Variants in OSBPL10 observed in about 807,000 individuals in gnomAD.
OSBPL10 encodes the protein oxysterol-binding protein-related protein 10.
Under a neutral mutation model 81.7 loss-of-function variants are expected in OSBPL10, and 49 were observed. The observed-to-expected ratio is 0.60, with a 90% confidence interval of 0.48 to 0.76. OSBPL10 has a LOEUF of 0.76. Among genes scored for constraint, OSBPL10 ranks in the 30% least tolerant of loss-of-function variants. OSBPL10 has a pLI of 0.00. For synonymous variants in OSBPL10, 419 were observed against 383.6 expected (o/e 1.09, Z -1.08); for missense variants, 923 against 987.8 (o/e 0.93, Z 0.88).
chr3:31,869,388 T>C (rs1012974995), intron 3 of OSBPL10, among the ~76,000 whole-genome samples: 3 of 152,216 alleles, frequency 2.0e-5, no homozygotes, highest in African/African-American at 7.2e-5. Flanking sequence ...ATTCAAAGTT[T>C]ACGGGAACCC....
At chr3:31,675,966 GA>G (rs1377471320) in intron 8 of OSBPL10, among the ~76,000 whole-genome samples, 1 of 138,712 alleles carries the variant, frequency 7.2e-6, no homozygotes, top group Non-Finnish European at 1.5e-5. Context: ...AAAAAAAAAA[GA>G]GGAAACTACA....
At chr3:31,999,785 T>C (rs1435094946) in intron 2 of OSBPL10, among the ~76,000 whole-genome samples, 1 of 152,106 alleles carries the variant, frequency 6.6e-6, no homozygotes, top group Non-Finnish European at 1.5e-5. Flanking sequence ...CACAGCCCGG[T>C]GAAATGAGAC....
intron 4 of OSBPL10, among the ~76,000 whole-genome samples, chr3:31,817,969 GT>G (rs1699886120): frequency 6.6e-6 from 1 of 152,196 alleles, no homozygotes; most frequent in Non-Finnish European, 1.5e-5. Flanking sequence ...GCTGGGCATG[GT>G]GATCACATGC....
At chr3:31,846,352 G>A (rs1319707143) in intron 3 of OSBPL10, among the ~76,000 whole-genome samples, 3 of 152,118 alleles carry the variant, frequency 2.0e-5, no homozygotes, top group Non-Finnish European at 2.9e-5. Flanking sequence ...GGCCGGGCGA[G>A]GTGACTCATG....
chr3:31,688,420 G>A (rs1375233571), intron 7 of OSBPL10, among the ~76,000 whole-genome samples: 2 of 151,720 alleles, frequency 1.3e-5, no homozygotes, highest in African/African-American at 4.8e-5. Context: ...GACAGTTCCT[G>A]CTTTCAAGGC....
At chr3:31,714,633 C>T (rs1696373837) in intron 6 of OSBPL10, 2 of 152,272 alleles carry the variant, frequency 1.3e-5, no homozygotes, top group South Asian at 2.1e-4. Context: ...TGCGTGCACT[C>T]GAGAAAGGAA....
intron 4 of OSBPL10, among the ~76,000 whole-genome samples, chr3:31,798,922 C>T (rs570398728): frequency 1.6e-4 from 24 of 152,244 alleles, no homozygotes; most frequent in African/African-American, 5.3e-4. Context: ...CCCTCCCAGG[C>T]GCAGTTCATA....
At chr3:31,755,106 G>T (rs1474212926) in intron 4 of OSBPL10, among the ~76,000 whole-genome samples, 2 of 152,072 alleles carry the variant, frequency 1.3e-5, no homozygotes, top group African/African-American at 2.4e-5. Context: ...CCCTGTTAGT[G>T]TTACCAAAGG....
chr3:31,736,007 CAG>C (rs1697148379), intron 5 of OSBPL10, among the ~76,000 whole-genome samples: 1 of 151,950 alleles, frequency 6.6e-6, no homozygotes, highest in Non-Finnish European at 1.5e-5. Flanking sequence ...AAATCGGAGA[CAG>C]AAAACTTTAA....
intron 1 of OSBPL10, among the ~76,000 whole-genome samples, chr3:31,938,410 G>A (rs574870118): frequency 1.3e-5 from 2 of 152,150 alleles, no homozygotes; most frequent in Non-Finnish European, 2.9e-5. Flanking sequence ...ACAGCAGATG[G>A]CATAACAGAT....
intron 1 of OSBPL10, among the ~76,000 whole-genome samples, chr3:31,968,483 G>T (rs1698464122): frequency 1.3e-5 from 2 of 150,136 alleles, no homozygotes; most frequent in African/African-American, 4.9e-5. Context: ...ATCCAAGTTA[G>T]GTCATGCTTT....
intron 4 of OSBPL10, among the ~76,000 whole-genome samples, chr3:31,787,398 C>A (rs751885205): frequency 6.6e-6 from 1 of 152,052 alleles, no homozygotes; most frequent in African/African-American, 2.4e-5. Flanking sequence ...AGTTCCAGAC[C>A]AGCCTGGCCA....
intron 1 of OSBPL10, among the ~76,000 whole-genome samples, chr3:31,884,672 C>T (rs1454987688): frequency 1.3e-5 from 2 of 152,138 alleles, no homozygotes; most frequent in South Asian, 2.1e-4. Flanking sequence ...AAAAGTAAAC[C>T]GTATTTCTGG....
In OSBPL10 at chr3:31,661,621, T is replaced by G. The variant is rs1314799894; in HGVS notation, c.*451A>C. 6.5e-6 allele frequency: 1 copy of G among 152,928 alleles called. No individual in the cohort carries two copies. The highest frequency in any genetic ancestry group is 1.5e-5 in the Non-Finnish European group (1 of 68,564). 9.5% of individuals were successfully genotyped at this position (152,928 alleles called of 1,614,324 possible). A position where few individuals can be genotyped will look rare whatever the true frequency, so the allele number is the denominator to read the frequency against. Reference sequence around the variant, plus strand: ...TACCAGGAATGAGCCACTTTCTCCCTTATGGACAGTGATCGGGCCATGCCA... The same window carrying G: ...TACCAGGAATGAGCCACTTTCTCCCGTATGGACAGTGATCGGGCCATGCCA... On this transcript the variant is annotated 3_prime_UTR_variant, in exon 12 of 12. Coordinates refer to ENST00000396556, the MANE Select transcript of OSBPL10 (RefSeq NM_017784.5).
intron 1 of OSBPL10, among the ~76,000 whole-genome samples, chr3:31,908,555 G>A (rs962819745): frequency 6.6e-6 from 1 of 152,160 alleles, no homozygotes; most frequent in Admixed American, 6.5e-5. Context: ...ATGGTGCCAG[G>A]TGTTTTTTGC....
chr3:31,683,056 A>G (rs535403850), intron 8 of OSBPL10, among the ~76,000 whole-genome samples: 73 of 152,374 alleles, frequency 4.8e-4, no homozygotes, highest in Non-Finnish European at 9.3e-4. Context: ...TGAATTTAAC[A>G]AGGATTATTA....
At position 31,674,341 on chromosome 3, in the gene OSBPL10, C is replaced by G. The variant is rs187594842; in HGVS notation, c.1727-3358G>C. 2.1e-3 allele frequency among the ~76,000 whole-genome samples: 318 copies of G among 152,064 alleles called. 3 individuals carry two copies. Among genetic ancestry groups the G allele is most frequent in the African/African-American group, 7.3e-3 (302 of 41,468 alleles). ...GGTGGAAGTGGGAGGATGGCTTGAG[C>G]CCAGGAGTTTGAGACCAGCCTGGGC... On this transcript the variant is annotated intron_variant, in intron 8 of 11. Coordinates refer to ENST00000396556, the MANE Select transcript of OSBPL10 (RefSeq NM_017784.5).
intron 1 of OSBPL10, among the ~76,000 whole-genome samples, chr3:31,908,871 C>T (rs544217085): frequency 6.6e-6 from 1 of 152,280 alleles, no homozygotes; most frequent in Non-Finnish European, 1.5e-5. Flanking sequence ...CTGCAAGTAG[C>T]ATTGTTTTAT....
intron 1 of OSBPL10, among the ~76,000 whole-genome samples, chr3:31,960,562 G>T (rs79011069): frequency 0.013 from 1,932 of 152,270 alleles, 37 homozygotes; most frequent in African/African-American, 0.043. Context: ...ATGGACACCA[G>T]AAGGTTGCAA....
Sources: gnomAD v4.1 joint callset for allele counts (sites outside exome capture counted in the v4.1 genomes callset) on GRCh38, gnomAD v4.1.1 for gene constraint, MANE v1.5 for transcripts, NCBI Gene and HGNC (gene_info 2026-07-23, HGNC 2026-07-21) for gene names.